Variants in TDRD5 observed in about 807,000 individuals in gnomAD.
The protein encoded by TDRD5 is tudor domain-containing protein 5.
TDRD5 carries 41 observed loss-of-function variants against 120.6 expected under a neutral mutation model. The ratio of observed to expected loss-of-function variants is 0.34; its 90% CI spans 0.26 to 0.44. The LOEUF is 0.44. Among genes scored for constraint, TDRD5 ranks in the 20% least tolerant of loss-of-function variants. TDRD5 has a pLI of 1.00. For missense variants in TDRD5, 1,006 were observed against 1,221.2 expected (o/e 0.82, Z 2.63); for synonymous variants, 430 against 433.7 (o/e 0.99, Z 0.11).
At chr1:179,625,330 C>T (rs986677788) in intron 6 of TDRD5, among the ~76,000 whole-genome samples, 3 of 152,038 alleles carry the variant, frequency 2.0e-5, no homozygotes, top group African/African-American at 7.2e-5. Context: ...AATGAGACTT[C>T]ATCAAAATTA....
At position 179,663,505 on chromosome 1, in the gene TDRD5, G is replaced by T; in HGVS notation, c.2649+14G>T. On this transcript the variant is annotated intron_variant, in intron 16 of 17. Coordinates refer to ENST00000444136, the MANE Select transcript of TDRD5 (RefSeq NM_001199085.3). ...AGGACTCAAAAGGTAAATGTCTAAT[G>T]CAGGTTATTGGGACAGGTTTGCATA... 1 of 1,601,408 alleles carries T rather than the reference G, an allele frequency of 6.2e-7. No individual in the cohort carries two copies. Among genetic ancestry groups the T allele is most frequent in the Non-Finnish European group, 8.5e-7 (1 of 1,176,224 alleles).
intron 6 of TDRD5, among the ~76,000 whole-genome samples, chr1:179,627,120 A>G (rs1220337050): frequency 6.6e-6 from 1 of 152,058 alleles, no homozygotes; most frequent in East Asian, 1.9e-4. Flanking sequence ...TGACTTATAT[A>G]CTCAAAACAT....
intron 14 of TDRD5, among the ~76,000 whole-genome samples, chr1:179,655,951 G>T (rs1376909852): frequency 1.3e-5 from 2 of 152,142 alleles, no homozygotes; most frequent in Non-Finnish European, 2.9e-5. Flanking sequence ...GTGAACATAA[G>T]CTTCATTTAT....
intron 17 of TDRD5, among the ~76,000 whole-genome samples, chr1:179,687,871 CTT>C (rs139709484): frequency 1.4e-5 from 2 of 140,140 alleles, no homozygotes; most frequent in African/African-American, 2.6e-5. Flanking sequence ...GCAACCCCTG[CTT>C]TTTTTTTTTT....
intron 16 of TDRD5, among the ~76,000 whole-genome samples, 173 bp from the exon 17 acceptor site, chr1:179,669,021 G>A (rs1162547558): frequency 6.6e-6 from 1 of 152,088 alleles, no homozygotes; most frequent in Non-Finnish European, 1.5e-5. Context: ...TAGGATTACA[G>A]GCGTGAGCCA....
rs763868705 is a variant in TDRD5 at position 179,640,488 on chromosome 1, G to A, written c.1800+43G>A. 3.8e-6 allele frequency: 6 copies of A among 1,579,788 alleles called. No individual in the cohort carries two copies. The East Asian group carries it at 1.3e-4, about 35-fold the overall frequency. ...CCATTTAATCAGCAAACACTTGAGT[G>A]CCTATTATGTGCCAATAACAGTTTC... is the stretch of plus-strand genomic sequence containing the variant. On this transcript the variant is annotated intron_variant, in intron 11 of 17. Transcript: ENST00000444136.
rs202078910 is a variant in TDRD5 at position 179,602,407 on chromosome 1, GT to G, written c.831+6597del. 9.0e-3 allele frequency among the ~76,000 whole-genome samples: 1,368 copies of G among 151,986 alleles called. 45 individuals carry two copies. The highest frequency in any genetic ancestry group is 0.061 in the East Asian group (316 of 5,172). On this transcript the variant is annotated intron_variant, in intron 4 of 17. Coordinates refer to ENST00000444136, the MANE Select transcript of TDRD5 (RefSeq NM_001199085.3). ...AGCCCACTTCTTGATGGGATTGCTT[GT>G]TTTTTTTCTTACTGATGGGTTTTTG...
intron 17 of TDRD5, among the ~76,000 whole-genome samples, chr1:179,686,861 T>C (rs1680747356): frequency 6.6e-6 from 1 of 152,214 alleles, no homozygotes; most frequent in South Asian, 2.1e-4. Flanking sequence ...TGATGGTAGT[T>C]TGTATTTCTG....
intron 16 of TDRD5, among the ~76,000 whole-genome samples, chr1:179,664,863 G>A (rs1679484671): frequency 6.6e-6 from 1 of 152,052 alleles, no homozygotes; most frequent in Admixed American, 6.6e-5. Context: ...AACATTTTGT[G>A]GAATTGGCAT....
chr1:179,638,683 A>G (rs1053389003), intron 9 of TDRD5, among the ~76,000 whole-genome samples: 1 of 127,024 alleles, frequency 7.9e-6, no homozygotes, highest in Non-Finnish European at 1.7e-5. Flanking sequence ...GCTGACCACT[A>G]CCACCACCCA....
At position 179,690,805 on chromosome 1, in the gene TDRD5, G is replaced by T; in HGVS notation, c.2970G>T (p.Leu990Phe). The change falls in exon 18 of 18, where the codon TTG becomes TTT. Residue 990 changes from leucine to phenylalanine, a missense_variant. Transcript: ENST00000444136. ...CTGTAGACCAGCTGTCTTTGATTTT[G>T]TCTTATGAGTGCCAGATTTCTCAGA... Reference protein sequence around the residue: ...QESVDQLSLILSYECQISQKL... With the variant: ...QESVDQLSLIFSYECQISQKL... 6.2e-7 allele frequency: 1 copy of T among 1,614,232 alleles called. No homozygotes were observed. Among genetic ancestry groups the T allele is most frequent in the Non-Finnish European group, 8.5e-7 (1 of 1,180,038 alleles).
intron 4 of TDRD5, among the ~76,000 whole-genome samples, chr1:179,611,748 A>G (rs1316272132): frequency 1.3e-5 from 2 of 152,196 alleles, no homozygotes; most frequent in African/African-American, 4.8e-5. Context: ...TTGAGGAGTG[A>G]GAGAGATGCA....
In TDRD5 at chr1:179,690,941, TGAGGGAGG is replaced by T. The variant is rs547164748; in HGVS notation, c.*7_*14del. The T allele has an allele frequency of 2.5e-6, 4 of 1,608,510 alleles. No homozygotes were observed. Among genetic ancestry groups the T allele is most frequent in the East Asian group, 2.2e-5 (1 of 44,776 alleles). ...CCCCAGTGTGAAAAGGATGGAAGCA[TGAGGGAGG>T]GAGGGAGGAGGGAGAAAAACAGAAT... is the stretch of plus-strand genomic sequence containing the variant. On this transcript the variant is annotated stop_retained_variant and 3_prime_UTR_variant, in exon 18 of 18. Transcript: ENST00000444136.
chr1:179,603,010 C>T (rs1384701331), intron 4 of TDRD5, among the ~76,000 whole-genome samples: 1 of 152,190 alleles, frequency 6.6e-6, no homozygotes, highest in Non-Finnish European at 1.5e-5. Context: ...CATCCATGAG[C>T]ATGGGATGTG....
chr1:179,680,128 C>T (rs753168479), intron 17 of TDRD5, among the ~76,000 whole-genome samples: 2 of 152,026 alleles, frequency 1.3e-5, no homozygotes, highest in African/African-American at 2.4e-5. Flanking sequence ...TTCCAGATGT[C>T]TTTCTATTGT....
chr1:179,653,699 C>T (rs1678838860), intron 13 of TDRD5, among the ~76,000 whole-genome samples: 1 of 152,110 alleles, frequency 6.6e-6, no homozygotes, highest in South Asian at 2.1e-4. Flanking sequence ...AGAGAAAGGG[C>T]TTAAAACTCT....
intron 2 of TDRD5, among the ~76,000 whole-genome samples, chr1:179,593,231 C>G (rs1325646090): frequency 6.6e-6 from 1 of 152,134 alleles, no homozygotes; most frequent in African/African-American, 2.4e-5. Flanking sequence ...TGTCAGGGGT[C>G]AATTAGTTGT....
chr1:179,618,951 G>T (rs1228189079), intron 5 of TDRD5, among the ~76,000 whole-genome samples: 1 of 152,068 alleles, frequency 6.6e-6, no homozygotes, highest in Non-Finnish European at 1.5e-5. Flanking sequence ...TTGACAAACA[G>T]TTCAAGATCT....
chr1:179,665,737 G>C lies in TDRD5; in HGVS notation c.2649+2246G>C, dbSNP rs373292907. Reference sequence around the variant, plus strand: ...TACCCCACGAAGAGAAGTTACAAAGGTAAAATCTTTACTGTATCATAATGA... The same window carrying C: ...TACCCCACGAAGAGAAGTTACAAAGCTAAAATCTTTACTGTATCATAATGA... On this transcript the variant is annotated intron_variant, in intron 16 of 17. Coordinates refer to ENST00000444136, the MANE Select transcript of TDRD5 (RefSeq NM_001199085.3). 3.2e-4 allele frequency among the ~76,000 whole-genome samples: 48 copies of C among 152,194 alleles called. 2 individuals carry two copies. Among genetic ancestry groups the C allele is most frequent in the Admixed American group, 2.2e-3 (34 of 15,278 alleles).
Sources: allele counts gnomAD v4.1 joint callset (sites outside exome capture counted in the v4.1 genomes callset), GRCh38; gene constraint gnomAD v4.1.1; transcripts MANE v1.5; gene names NCBI Gene and HGNC (gene_info 2026-07-23, HGNC 2026-07-21).